The following MACROD2 variants were observed in gnomAD, a reference collection of about 807,000 sequenced individuals.
MACROD2 encodes the protein mono-ADP ribosylhydrolase 2, also known as ADP-ribose glycohydrolase MACROD2.
A neutral mutation model predicts 70.4 loss-of-function variants in MACROD2; 36 were observed. The ratio of observed to expected loss-of-function variants is 0.51; its 90% CI spans 0.39 to 0.68. The LOEUF is 0.68. Among genes scored for constraint, MACROD2 ranks in the 30% least tolerant of loss-of-function variants. The pLI is 0.00. For synonymous variants in MACROD2, 172 were observed against 178.8 expected, an observed-to-expected ratio of 0.96 and a Z score of 0.30; for missense variants, 496 against 538.4, an observed-to-expected ratio of 0.92 and a Z score of 0.78.
At chr20:14,513,381 T>C (rs2123153953) in intron 4 of MACROD2, among the ~76,000 whole-genome samples, 1 of 152,240 alleles carries the variant, frequency 6.6e-6, no homozygotes, top group Admixed American at 6.5e-5. Flanking sequence ...AATTAAATAG[T>C]TGTGCTAATA....
intron 8 of MACROD2, among the ~76,000 whole-genome samples, chr20:15,849,467 GC>G (rs2064272044): frequency 1.3e-5 from 2 of 152,160 alleles, no homozygotes; most frequent in Non-Finnish European, 1.5e-5. Context: ...TATGCAGTGG[GC>G]CCCGTTCCTT....
At chr20:14,141,681 G>A (rs2054875561) in intron 3 of MACROD2, among the ~76,000 whole-genome samples, 1 of 148,154 alleles carries the variant, frequency 6.7e-6, no homozygotes, top group African/African-American at 2.5e-5. Context: ...GGAGGCGGAG[G>A]TTGCAGGGAG....
At chr20:14,358,639 G>A (rs891620536) in intron 3 of MACROD2, among the ~76,000 whole-genome samples, 1 of 151,872 alleles carries the variant, frequency 6.6e-6, no homozygotes, top group Non-Finnish European at 1.5e-5. Context: ...TGTATTTTTG[G>A]TAGAGACAGG....
intron 5 of MACROD2, among the ~76,000 whole-genome samples, chr20:14,736,822 C>G (rs1244083075): frequency 6.6e-6 from 1 of 152,128 alleles, no homozygotes; most frequent in African/African-American, 2.4e-5. Context: ...GAAGCCAAAG[C>G]TCTTACCCAG....
chr20:15,699,222 G>A (rs1390148026), intron 8 of MACROD2, among the ~76,000 whole-genome samples: 1 of 152,194 alleles, frequency 6.6e-6, no homozygotes, highest in Non-Finnish European at 1.5e-5. Context: ...CAGAGGGAAG[G>A]TCTAGGGCTG....
chr20:14,115,684 T>A (rs1302173788), intron 3 of MACROD2, among the ~76,000 whole-genome samples: 1 of 152,200 alleles, frequency 6.6e-6, no homozygotes, highest in Non-Finnish European at 1.5e-5. Flanking sequence ...TGCTTTTAAT[T>A]CTGCTTCCAA....
At chr20:14,355,907 G>C (rs2083167841) in intron 3 of MACROD2, among the ~76,000 whole-genome samples, 1 of 152,128 alleles carries the variant, frequency 6.6e-6, no homozygotes, top group African/African-American at 2.4e-5. Context: ...TCTTTGGGGA[G>C]GGAGTAGAAC....
intron 9 of MACROD2, among the ~76,000 whole-genome samples, chr20:15,883,080 C>CCAT (rs1478686524): frequency 2.0e-5 from 3 of 151,774 alleles, no homozygotes; most frequent in Admixed American, 1.3e-4. Context: ...AAGTTTCTAT[C>CCAT]CATCTTGGTG....
chr20:15,014,870 T>C (rs1379980707), intron 5 of MACROD2, among the ~76,000 whole-genome samples: 1 of 152,166 alleles, frequency 6.6e-6, no homozygotes, highest in African/African-American at 2.4e-5. Context: ...ATGATATTGA[T>C]GTTGTCCATA....
intron 3 of MACROD2, among the ~76,000 whole-genome samples, chr20:14,176,510 C>T (rs1316936647): frequency 6.6e-6 from 1 of 151,998 alleles, no homozygotes; most frequent in Admixed American, 6.6e-5. Flanking sequence ...ATAAGTTCAC[C>T]ATTGTAATAT....
rs148066267 is a variant in MACROD2, at chr20:14,109,450, A to G, written c.271+23722A>G. Reference sequence around the variant, plus strand: ...TGATATGAAGAAAACAATACAAAAGATCAATCAAATAAAAAGTTTGGTTTT... The same window carrying G: ...TGATATGAAGAAAACAATACAAAAGGTCAATCAAATAAAAAGTTTGGTTTT... On this transcript the variant is annotated intron_variant, in intron 3 of 17. Coordinates refer to ENST00000684519, the MANE Select transcript of MACROD2 (RefSeq NM_001351661.2). 4.9e-3 allele frequency among the ~76,000 whole-genome samples: 741 copies of G among 152,026 alleles called. 2 individuals are homozygous for G. Among genetic ancestry groups the G allele is most frequent in the Non-Finnish European group, 8.4e-3 (569 of 67,868 alleles).
At chr20:15,844,598 C>A (rs905221064) in intron 8 of MACROD2, among the ~76,000 whole-genome samples, 2 of 152,090 alleles carry the variant, frequency 1.3e-5, no homozygotes, top group Admixed American at 1.3e-4. Context: ...CAGACTTCAC[C>A]GTACACCTAG....
intron 5 of MACROD2, among the ~76,000 whole-genome samples, chr20:14,906,186 T>A (rs1206923063): frequency 6.6e-6 from 1 of 152,138 alleles, no homozygotes; most frequent in African/African-American, 2.4e-5. Context: ...TAAAGATAGT[T>A]ATATATGTAC....
At chr20:14,235,537 C>G (rs6110208) in intron 3 of MACROD2, among the ~76,000 whole-genome samples, 25,197 of 152,012 alleles carry the variant, frequency 0.17, 2,498 homozygotes, top group East Asian at 0.26. Flanking sequence ...ATTTTTTGCC[C>G]TTAAAATGCC....
chr20:15,519,701 G>A (rs529470635), intron 8 of MACROD2, among the ~76,000 whole-genome samples: 23 of 152,316 alleles, frequency 1.5e-4, no homozygotes, highest in African/African-American at 3.8e-4. Flanking sequence ...AGTAAAGTGC[G>A]AAGTGACCTC....
At chr20:14,904,688 T>G (rs546749472) in intron 5 of MACROD2, among the ~76,000 whole-genome samples, 24 of 152,292 alleles carry the variant, frequency 1.6e-4, no homozygotes, top group East Asian at 9.7e-4. Flanking sequence ...TCAACCTCAT[T>G]AAGCCTCAGT....
At chr20:14,160,364 G>A (rs964212517) in intron 3 of MACROD2, among the ~76,000 whole-genome samples, 3 of 152,106 alleles carry the variant, frequency 2.0e-5, no homozygotes, top group African/African-American at 7.2e-5. Flanking sequence ...ACTTTTCTTT[G>A]TTGGAAAACT....
intron 4 of MACROD2, among the ~76,000 whole-genome samples, chr20:14,659,254 T>A (rs1394026765): frequency 6.6e-6 from 1 of 152,200 alleles, no homozygotes; most frequent in Non-Finnish European, 1.5e-5. Context: ...TCCTCTATTC[T>A]CCATATGTCC....
chr20:14,454,078 A>G (rs1022287911), intron 3 of MACROD2, among the ~76,000 whole-genome samples: 2 of 152,038 alleles, frequency 1.3e-5, no homozygotes, highest in African/African-American at 2.4e-5. Flanking sequence ...TTGTTCCTCT[A>G]TAGCTATTCT....
Sources: allele counts gnomAD v4.1 joint callset (sites outside exome capture counted in the v4.1 genomes callset), GRCh38; gene constraint gnomAD v4.1.1; transcripts MANE v1.5; gene names NCBI Gene and HGNC (gene_info 2026-07-23, HGNC 2026-07-21).